Variants in SLC25A30 observed in about 807,000 individuals in gnomAD.
SLC25A30 encodes the protein solute carrier family 25 member 30.
Under a neutral mutation model 42.7 loss-of-function variants are expected in SLC25A30, and 29 were observed. That is an observed-to-expected ratio of 0.68 (90% CI 0.51 to 0.93). The LOEUF is 0.93. SLC25A30 is among the 40% of genes least tolerant of loss of function. The pLI is 0.00. For missense variants in SLC25A30, 300 were observed against 359.7 expected (o/e 0.83, Z 1.34); for synonymous variants, 124 against 131.0 (o/e 0.95, Z 0.37).
At chr13:45,401,237 T>C in intron 6 of SLC25A30, 30 bp from the exon 7 acceptor site, 1 of 1,611,082 alleles carries the variant, frequency 6.2e-7, no homozygotes, top group Non-Finnish European at 8.5e-7. Flanking sequence ...ATAAAAATGA[T>C]TCTGATATGC....
the SLC25A30 span, among the ~76,000 whole-genome samples, chr13:45,425,252 ATATACG>A: frequency 9.5e-6 from 1 of 105,426 alleles, no homozygotes; most frequent in African/African-American, 3.9e-5. Flanking sequence ...ATATAAATAT[ATATACG>A]TATATATACG....
chr13:45,394,817 T>G lies in SLC25A30; in HGVS notation c.*1157A>C. The G allele has an allele frequency of 1.0e-6, 1 of 985,374 alleles. No homozygotes were observed. The highest frequency in any genetic ancestry group is 1.2e-6 in the Non-Finnish European group (1 of 829,900). The allele number at this position is 985,374 out of a possible 1,614,324, so 61.0% of individuals were successfully genotyped here. On this transcript the variant is annotated 3_prime_UTR_variant, in exon 10 of 10. Coordinates refer to ENST00000519676, the MANE Select transcript of SLC25A30 (RefSeq NM_001010875.4). ...TGCACTAAAGAAATCATTTTTAAAA[T>G]TTCAAGCAGGTATTTTCCATCCAAA...
At chr13:45,403,970 A>C (rs367844256) in intron 5 of SLC25A30, among the ~76,000 whole-genome samples, 3 of 151,946 alleles carry the variant, frequency 2.0e-5, no homozygotes, top group East Asian at 3.8e-4. Context: ...ATTCAAAAAT[A>C]GTCATTAATG....
intron 3 of SLC25A30, among the ~76,000 whole-genome samples, chr13:45,406,603 C>T (rs953059654): frequency 6.6e-5 from 10 of 152,156 alleles, no homozygotes; most frequent in African/African-American, 2.2e-4. Context: ...GGACACTCCC[C>T]GGGTGTCTTT....
upstream of SLC25A30, chr13:45,420,263 G>A (rs1026161379): frequency 1.3e-5 from 2 of 152,164 alleles, no homozygotes; most frequent in Non-Finnish European, 2.9e-5. Context: ...GCCCCAGGTT[G>A]AGCTTAAACA....
At chr13:45,424,544 A>AAT in the SLC25A30 span, among the ~76,000 whole-genome samples, 32 of 34,234 alleles carry the variant, frequency 9.3e-4, no homozygotes, top group Admixed American at 2.8e-3. Flanking sequence ...TAAATATATA[A>AAT]ATATATAAAT....
chr13:45,428,220 TA>T, the SLC25A30 span, among the ~76,000 whole-genome samples: 3 of 151,776 alleles, frequency 2.0e-5, no homozygotes, highest in African/African-American at 7.3e-5. Flanking sequence ...TTTTTATTTT[TA>T]TTTTTTTTTG....
At chr13:45,425,409 T>G in the SLC25A30 span, among the ~76,000 whole-genome samples, 1 of 112,920 alleles carries the variant, frequency 8.9e-6, no homozygotes, top group Non-Finnish European at 1.6e-5. Flanking sequence ...TGTATATATA[T>G]AAATATATAA....
At chr13:45,404,832 A>G (rs1319748476) in intron 4 of SLC25A30, among the ~76,000 whole-genome samples, 2 of 152,162 alleles carry the variant, frequency 1.3e-5, no homozygotes, top group Non-Finnish European at 2.9e-5. Flanking sequence ...AAATAAAAGT[A>G]TGTTTCATGA....
chr13:45,432,320 C>T, the SLC25A30 span, among the ~76,000 whole-genome samples: 1 of 150,684 alleles, frequency 6.6e-6, no homozygotes, highest in Non-Finnish European at 1.5e-5. Flanking sequence ...TTCTCATATT[C>T]TCATTTTCCT....
the SLC25A30 span, among the ~76,000 whole-genome samples, chr13:45,423,635 T>A: frequency 9.6e-6 from 1 of 104,668 alleles, no homozygotes; most frequent in East Asian, 2.3e-4. Flanking sequence ...TATATAAATA[T>A]ATATAAAATA....
chr13:45,396,346 G>GAC, intron 9 of SLC25A30: 1 of 1,095,894 alleles, frequency 9.1e-7, no homozygotes, highest in Non-Finnish European at 1.1e-6. Context: ...GAGAGAGAGA[G>GAC]TTAGCAAGCC....
chr13:45,413,078 C>T (rs1237633040), intron 1 of SLC25A30, among the ~76,000 whole-genome samples: 1 of 152,196 alleles, frequency 6.6e-6, no homozygotes, highest in African/African-American at 2.4e-5. Flanking sequence ...GACCCCCCAT[C>T]GGGCACCTTG....
the SLC25A30 span, among the ~76,000 whole-genome samples, chr13:45,424,256 T>C: frequency 9.8e-4 from 11 of 11,218 alleles, 5 homozygotes. Flanking sequence ...TATAAATATA[T>C]GTAAATATAT....
chr13:45,417,358 T>C (rs1883624791), intron 1 of SLC25A30, among the ~76,000 whole-genome samples: 1 of 152,216 alleles, frequency 6.6e-6, no homozygotes, highest in Non-Finnish European at 1.5e-5. Flanking sequence ...TTACTTCCTG[T>C]TCCCTTTTTA....
the SLC25A30 span, among the ~76,000 whole-genome samples, chr13:45,427,343 C>T: frequency 1.3e-5 from 2 of 152,166 alleles, no homozygotes; most frequent in South Asian, 4.1e-4. Flanking sequence ...TACCTCTGGT[C>T]CTTTCCTTAA....
the SLC25A30 span, among the ~76,000 whole-genome samples, chr13:45,427,449 C>T: frequency 6.6e-6 from 1 of 152,138 alleles, no homozygotes; most frequent in African/African-American, 2.4e-5. Context: ...GCTCATTGGG[C>T]CCAACAGAGT....
In SLC25A30 at chr13:45,394,951, T is replaced by A. The variant is rs1187607226; in HGVS notation, c.*1023A>T. The stretch of plus-strand genomic sequence containing the variant: ...CAACATTTTGCTAAGGAAAATGTAC[T>A]AAAGCCTGAACTTATACAGTGTTCT... On this transcript the variant is annotated 3_prime_UTR_variant, in exon 10 of 10. Coordinates refer to ENST00000519676, the MANE Select transcript of SLC25A30 (RefSeq NM_001010875.4). 1 of 985,332 alleles carries A rather than the reference T, an allele frequency of 1.0e-6. No homozygotes were observed. The highest frequency in any genetic ancestry group is 1.2e-6 in the Non-Finnish European group (1 of 829,934). The allele number at this position is 985,332 out of a possible 1,614,324, so 61.0% of individuals were successfully genotyped here. A position where few individuals can be genotyped will look rare whatever the true frequency, so the allele number is the denominator to read the frequency against.
At position 45,395,513 on chromosome 13, in the gene SLC25A30, C is replaced by T; in HGVS notation, c.*461G>A. 9.5e-7 allele frequency: 1 copy of T among 1,047,510 alleles called. No individual in the cohort carries two copies. Among genetic ancestry groups the T allele is most frequent in the East Asian group, 7.6e-5 (1 of 13,112 alleles). The allele number at this position is 1,047,510 out of a possible 1,614,324, so 64.9% of individuals were successfully genotyped here. On this transcript the variant is annotated 3_prime_UTR_variant, in exon 10 of 10. Transcript: ENST00000519676. The stretch of plus-strand genomic sequence containing the variant: ...CAGGTCTCCATACATGAAATTTCTT[C>T]AGTTGACAAGGAGCAAAATCTCCCA...
Sources: gnomAD v4.1 joint callset for allele counts (sites outside exome capture counted in the v4.1 genomes callset) on GRCh38, gnomAD v4.1.1 for gene constraint, MANE v1.5 for transcripts, NCBI Gene and HGNC (gene_info 2026-07-23, HGNC 2026-07-21) for gene names.